PXDNL: variants seen among roughly 807,000 people sequenced by gnomAD.
The protein encoded by PXDNL is probable oxidoreductase PXDNL.
PXDNL carries 145 observed loss-of-function variants against 150.8 expected under a neutral mutation model. The ratio of observed to expected loss-of-function variants is 0.96; its 90% CI spans 0.84 to 1.10. PXDNL has a LOEUF of 1.10. PXDNL is among the 50% of genes least tolerant of loss of function. The pLI, the probability that PXDNL is intolerant of heterozygous loss-of-function variation, is 0.00. For synonymous variants in PXDNL, 757 were observed against 725.7 expected, an observed-to-expected ratio of 1.04 and a Z score of -0.69; for missense variants, 2,087 against 1,873.9, an observed-to-expected ratio of 1.11 and a Z score of -2.10.
intron 4 of PXDNL, among the ~76,000 whole-genome samples, chr8:51,514,165 G>T (rs552132435): frequency 3.3e-5 from 5 of 152,302 alleles, no homozygotes; most frequent in African/African-American, 1.2e-4. Flanking sequence ...AGAATAAATG[G>T]CTTTTATCTC....
At position 51,739,280 on chromosome 8, in the gene PXDNL, CAGTA is replaced by C. The variant is rs551738323; in HGVS notation, c.164+69897_164+69900del. ...ATAAAGAGCATCTATAAAAGTCCAACAGTAAACAATGGTCAGTGGTAAAAGACTG... is the reference window on the plus strand; with the variant it reads ...ATAAAGAGCATCTATAAAAGTCCAACAACAATGGTCAGTGGTAAAAGACTG... On this transcript the variant is annotated intron_variant, in intron 1 of 22. Transcript: ENST00000356297. Among the ~76,000 whole-genome samples the C allele has an allele frequency of 4.0e-3, 602 of 152,104 alleles. 2 individuals carry two copies. Among genetic ancestry groups the C allele is most frequent in the African/African-American group, 0.014 (580 of 41,520 alleles).
At position 51,453,723 on chromosome 8, in the gene PXDNL, A is replaced by T; in HGVS notation, c.1045T>A (p.Leu349Met). ...GGGTGGCCTGTGGCCATACATTCCA[A>T]AGTTGTGCTGGTGCCAATTAAAACC... ...TEVLIGTSTT[L>M]ECMATGHPHP... Residue 349 changes from leucine (L) to methionine (M), a missense_variant, in exon 10 of 23, where the codon TTG (leucine) becomes ATG (methionine). Coordinates refer to ENST00000356297, the MANE Select transcript of PXDNL (RefSeq NM_144651.5). 1 of 1,614,042 alleles carries T rather than the reference A, an allele frequency of 6.2e-7. No individual in the cohort carries two copies. Among genetic ancestry groups the T allele is most frequent in the Non-Finnish European group, 8.5e-7 (1 of 1,179,896 alleles).
chr8:51,717,913 C>G (rs573194306), intron 1 of PXDNL, among the ~76,000 whole-genome samples: 1 of 152,294 alleles, frequency 6.6e-6, no homozygotes, highest in African/African-American at 2.4e-5. Flanking sequence ...AGGGGGGTTT[C>G]CAAAACCTTA....
chr8:51,466,690 A>G (rs1159408775), intron 8 of PXDNL, among the ~76,000 whole-genome samples: 1 of 152,172 alleles, frequency 6.6e-6, no homozygotes, highest in Non-Finnish European at 1.5e-5. Context: ...ACTTAAACAA[A>G]TCAACAAACA....
chr8:51,403,958 G>A (rs150563088), intron 17 of PXDNL, among the ~76,000 whole-genome samples: 4,057 of 152,256 alleles, frequency 0.027, 214 homozygotes, highest in African/African-American at 0.091. Flanking sequence ...TCTTCCTTCT[G>A]GTGGGTTCGT....
At chr8:51,778,001 T>C (rs1257677701) in intron 1 of PXDNL, among the ~76,000 whole-genome samples, 4 of 152,266 alleles carry the variant, frequency 2.6e-5, no homozygotes, top group East Asian at 3.9e-4. Context: ...ATGAAAGCCA[T>C]AGATACTAGC....
rs758688968 is a variant in PXDNL, at chr8:51,408,732, A to G, written c.2892T>C (p.His964=). The G allele has an allele frequency of 3.7e-5, 59 of 1,590,508 alleles. No individual in the cohort carries two copies. The Admixed American group carries it at 1.0e-3, about 28-fold the overall frequency. ...GGGTGTGCATGGCGGCCAGAGCCAG[A>G]TGCTCGTTGGCCCGGTGGTCCCCGG... is the stretch of plus-strand genomic sequence containing the variant. The part of the protein sequence containing the change: ...FLAGDHRANE[H]LALAAMHTLW... Residue 964 remains histidine, a synonymous_variant, in exon 17 of 23, where the codon CAT becomes CAC. Coordinates refer to ENST00000356297, the MANE Select transcript of PXDNL (RefSeq NM_144651.5).
intron 1 of PXDNL, among the ~76,000 whole-genome samples, chr8:51,734,576 A>G (rs1345097486): frequency 1.3e-5 from 2 of 152,246 alleles, no homozygotes; most frequent in African/African-American, 4.8e-5. Context: ...GATAAAAGAC[A>G]TAGACAATAA....
intron 1 of PXDNL, among the ~76,000 whole-genome samples, chr8:51,737,369 T>C (rs77765802): frequency 6.6e-6 from 1 of 152,248 alleles, no homozygotes; most frequent in South Asian, 2.1e-4. Flanking sequence ...AAGCACTGCA[T>C]GAGACTTTAA....
chr8:51,760,906 T>A (rs2037157066), intron 1 of PXDNL, among the ~76,000 whole-genome samples: 1 of 130,420 alleles, frequency 7.7e-6, no homozygotes, highest in Non-Finnish European at 1.6e-5. Context: ...TCGCCCAGGC[T>A]GGAGTGCAGT....
At position 51,662,171 on chromosome 8, in the gene PXDNL, C is replaced by T. The variant is rs192345694; in HGVS notation, c.165-7411G>A. ...AATTATAATTGGCCTTCCTTATTTT[C>T]GGGTCTGCAGATTCAATGGACTGCA... On this transcript the variant is annotated intron_variant, in intron 1 of 22. Transcript: ENST00000356297. Among the ~76,000 whole-genome samples, 325 of 152,214 alleles carry T rather than the reference C, an allele frequency of 2.1e-3. 3 individuals are homozygous for T. Among genetic ancestry groups the T allele is most frequent in the African/African-American group, 7.5e-3 (311 of 41,536 alleles).
At chr8:51,664,684 G>C (rs765137474) in intron 1 of PXDNL, among the ~76,000 whole-genome samples, 20 of 152,134 alleles carry the variant, frequency 1.3e-4, no homozygotes, top group Non-Finnish European at 2.4e-4. Flanking sequence ...GGGGGAGTCA[G>C]ACACATCCTC....
intron 1 of PXDNL, among the ~76,000 whole-genome samples, chr8:51,661,620 A>G (rs1047574538): frequency 6.6e-6 from 1 of 152,100 alleles, no homozygotes; most frequent in African/African-American, 2.4e-5. Context: ...TGCCCTGAAG[A>G]TATCAGAGCA....
intron 7 of PXDNL, among the ~76,000 whole-genome samples, chr8:51,473,274 AAC>A (rs1164131411): frequency 1.6e-3 from 218 of 134,016 alleles, no homozygotes; most frequent in African/African-American, 4.3e-3. Context: ...GTAGAAAATA[AAC>A]ACACACACAC....
chr8:51,348,687 T>C (rs1027212746), intron 19 of PXDNL, among the ~76,000 whole-genome samples: 3 of 152,316 alleles, frequency 2.0e-5, no homozygotes, highest in South Asian at 2.1e-4. Flanking sequence ...TATACATACA[T>C]GTTTTCAAGC....
chr8:51,429,851 G>T (rs1480200970), intron 12 of PXDNL, among the ~76,000 whole-genome samples: 1 of 151,876 alleles, frequency 6.6e-6, no homozygotes, highest in East Asian at 1.9e-4. Flanking sequence ...AAGATAAAAA[G>T]GTTCAGTTCC....
At chr8:51,555,193 T>C (rs1054861487) in intron 4 of PXDNL, among the ~76,000 whole-genome samples, 1 of 152,118 alleles carries the variant, frequency 6.6e-6, no homozygotes, top group Non-Finnish European at 1.5e-5. Context: ...TATAATCCCA[T>C]GGCAAAAGGG....
chr8:51,801,704 GC>G (rs1449499536), intron 1 of PXDNL, among the ~76,000 whole-genome samples: 1 of 152,198 alleles, frequency 6.6e-6, no homozygotes, highest in East Asian at 1.9e-4. Flanking sequence ...TTGGGTTCCT[GC>G]CTCTCTAGAC....
At chr8:51,520,969 C>A (rs1811650404) in intron 4 of PXDNL, among the ~76,000 whole-genome samples, 1 of 152,124 alleles carries the variant, frequency 6.6e-6, no homozygotes, top group Admixed American at 6.5e-5. Context: ...TGACTGTAAT[C>A]CCAGCACTTC....
Sources: gnomAD v4.1 joint callset for allele counts (sites outside exome capture counted in the v4.1 genomes callset) on GRCh38, gnomAD v4.1.1 for gene constraint, MANE v1.5 for transcripts, NCBI Gene and HGNC (gene_info 2026-07-23, HGNC 2026-07-21) for gene names.